PRKACB: variants seen among roughly 807,000 people sequenced by gnomAD.
PRKACB encodes protein kinase cAMP-activated catalytic subunit beta.
Under a neutral mutation model 51.4 loss-of-function variants are expected in PRKACB, and 16 were observed. The ratio of observed to expected loss-of-function variants is 0.31; its 90% CI spans 0.21 to 0.47. PRKACB has a LOEUF of 0.47. Ranked by LOEUF, PRKACB falls within the 20% of genes least tolerant of loss-of-function variation. The pLI, the probability that PRKACB is intolerant of heterozygous loss-of-function variation, is 1.00. For missense variants in PRKACB, 309 were observed against 464.5 expected (o/e 0.67, Z 3.08); for synonymous variants, 147 against 154.4 (o/e 0.95, Z 0.35).
intron 9 of PRKACB, among the ~76,000 whole-genome samples, chr1:84,222,789 G>A (rs749770250): frequency 2.6e-5 from 4 of 152,116 alleles, no homozygotes; most frequent in African/African-American, 9.7e-5. Flanking sequence ...GTAGTTTATC[G>A]TTGGTGGCAG....
chr1:84,187,186 C>G (rs1254776098), intron 5 of PRKACB, among the ~76,000 whole-genome samples: 1 of 152,032 alleles, frequency 6.6e-6, no homozygotes, highest in Non-Finnish European at 1.5e-5. Flanking sequence ...CAAGAGGGAC[C>G]ACCAGCACAA....
intron 1 of PRKACB, among the ~76,000 whole-genome samples, chr1:84,129,272 A>G (rs950377702): frequency 6.6e-6 from 1 of 152,026 alleles, no homozygotes; most frequent in Non-Finnish European, 1.5e-5. Flanking sequence ...TACTATTATA[A>G]TTTTAGGTAT....
At chr1:84,197,074 T>C (rs550614639) in intron 6 of PRKACB, among the ~76,000 whole-genome samples, 1 of 152,270 alleles carries the variant, frequency 6.6e-6, no homozygotes, top group Admixed American at 6.5e-5. Context: ...ACCTATGAAG[T>C]GGAAATACCA....
At chr1:84,127,226 A>T (rs1651699226) in intron 1 of PRKACB, among the ~76,000 whole-genome samples, 1 of 152,248 alleles carries the variant, frequency 6.6e-6, no homozygotes, top group African/African-American at 2.4e-5. Flanking sequence ...CAAAGAGTAG[A>T]ATTATCTGCT....
chr1:84,188,004 TATAAAGAGAGAG>T, intron 5 of PRKACB, among the ~76,000 whole-genome samples: 1 of 152,184 alleles, frequency 6.6e-6, no homozygotes, highest in Non-Finnish European at 1.5e-5. Context: ...CATATTCTGC[TATAAAGAGAGAG>T]CAGATTTTTA....
At chr1:84,165,052 A>T in intron 1 of PRKACB, 1 of 1,412,390 alleles carries the variant, frequency 7.1e-7, no homozygotes, top group Non-Finnish European at 9.7e-7. Flanking sequence ...TGTTTATTTA[A>T]AAAATATATT....
intron 9 of PRKACB, among the ~76,000 whole-genome samples, chr1:84,221,379 T>A (rs1161349667): frequency 6.6e-6 from 1 of 151,866 alleles, no homozygotes; most frequent in Non-Finnish European, 1.5e-5. Context: ...TTTTGGTTAT[T>A]TTTTTAAAAA....
intron 1 of PRKACB, among the ~76,000 whole-genome samples, chr1:84,161,430 T>C (rs1366674977): frequency 2.0e-5 from 3 of 151,900 alleles, no homozygotes; most frequent in Non-Finnish European, 4.4e-5. Context: ...TTTCTGCCTT[T>C]TGATTTGTGT....
intron 1 of PRKACB, among the ~76,000 whole-genome samples, chr1:84,138,597 C>T (rs1653075870): frequency 6.6e-6 from 1 of 152,106 alleles, no homozygotes; most frequent in South Asian, 2.1e-4. Context: ...GGAAATTCTA[C>T]AAAACATTTA....
intron 1 of PRKACB, among the ~76,000 whole-genome samples, chr1:84,085,445 T>C (rs1647891208): frequency 6.6e-6 from 1 of 152,132 alleles, no homozygotes; most frequent in South Asian, 2.1e-4. Flanking sequence ...AGGGATGGAT[T>C]GGATAATGAC....
At chr1:84,198,598 T>A (rs937882776) in intron 7 of PRKACB, among the ~76,000 whole-genome samples, 9 of 152,226 alleles carry the variant, frequency 5.9e-5, no homozygotes, top group South Asian at 4.1e-4. Flanking sequence ...TCTTGATATT[T>A]TATAATCTAA....
At chr1:84,209,949 C>T (rs1251762231) in intron 8 of PRKACB, among the ~76,000 whole-genome samples, 3 of 152,130 alleles carry the variant, frequency 2.0e-5, no homozygotes, top group Admixed American at 2.0e-4. Flanking sequence ...TAGTATGTGC[C>T]AGACCAGTTC....
chr1:84,226,168 T>C (rs1423192880), intron 9 of PRKACB, among the ~76,000 whole-genome samples: 1 of 152,164 alleles, frequency 6.6e-6, no homozygotes, highest in Non-Finnish European at 1.5e-5. Context: ...ATGCATTATT[T>C]TAGAGTCAAG....
At chr1:84,183,948 GT>G (rs2101015852) in intron 3 of PRKACB, 88 bp from the exon 4 acceptor site, 1 of 1,321,248 alleles carries the variant, frequency 7.6e-7, no homozygotes, top group East Asian at 2.8e-5. Flanking sequence ...GCTTATCCAA[GT>G]TTATTACTAT....
At chr1:84,173,226 A>G (rs1572033329) in intron 1 of PRKACB, 9 of 710,074 alleles carry the variant, frequency 1.3e-5, no homozygotes, top group South Asian at 5.3e-5. Context: ...TTATCATTCT[A>G]TTTCTATGTG....
chr1:84,218,320 A>G (rs571836624), intron 9 of PRKACB, among the ~76,000 whole-genome samples: 101 of 152,294 alleles, frequency 6.6e-4, no homozygotes, highest in African/African-American at 2.3e-3. Flanking sequence ...CCACACACAC[A>G]CATCCTTCTC....
intron 1 of PRKACB, chr1:84,078,479 G>T (rs889782342): frequency 3.0e-6 from 4 of 1,322,230 alleles, no homozygotes; most frequent in Middle Eastern, 2.6e-4. Context: ...AGGCCTAGCA[G>T]CGGCCGCCGG....
chr1:84,153,294 G>A (rs1655057824), intron 1 of PRKACB, among the ~76,000 whole-genome samples: 1 of 152,112 alleles, frequency 6.6e-6, no homozygotes, highest in Admixed American at 6.6e-5. Context: ...TTATTAAAAT[G>A]TGACACAGAG....
chr1:84,145,685 A>G (rs1174031508), intron 1 of PRKACB, among the ~76,000 whole-genome samples: 2 of 152,056 alleles, frequency 1.3e-5, no homozygotes. Flanking sequence ...TCTTTACTGT[A>G]TAGCAAGTTG....
Sources: gnomAD v4.1 joint callset for allele counts (sites outside exome capture counted in the v4.1 genomes callset) on GRCh38, gnomAD v4.1.1 for gene constraint, MANE v1.5 for transcripts, NCBI Gene and HGNC (gene_info 2026-07-23, HGNC 2026-07-21) for gene names.